The following UGCG variants were observed in gnomAD, a reference collection of about 807,000 sequenced individuals.
UGCG encodes ceramide glucosyltransferase.
Under a neutral mutation model 49.5 loss-of-function variants are expected in UGCG, and 10 were observed. The observed-to-expected ratio is 0.20, with a 90% CI of 0.12 to 0.34. The LOEUF (loss-of-function observed/expected upper bound fraction) is 0.34. Ranked by LOEUF, UGCG falls within the 10% of genes least tolerant of loss-of-function variation. UGCG has a pLI of 1.00. For missense variants in UGCG, 312 were observed against 483.7 expected (o/e 0.65, Z 3.33); for synonymous variants, 182 against 158.2 (o/e 1.15, Z -1.13).
At position 111,914,762 on chromosome 9, in the gene UGCG, C is replaced by T. The variant is rs575283616; in HGVS notation, c.240+16C>T. ...TTATCCCAAAGTAAGTTCAGTGTTACGGTTTTTTGTTTTGTTTTGTTTTGT... is the reference window on the plus strand; with the variant it reads ...TTATCCCAAAGTAAGTTCAGTGTTATGGTTTTTTGTTTTGTTTTGTTTTGT... On this transcript the variant is annotated intron_variant, in intron 2 of 8. Coordinates refer to ENST00000374279, the MANE Select transcript of UGCG (RefSeq NM_003358.3). The T allele has an allele frequency of 1.8e-5, 29 of 1,583,734 alleles. No individual in the cohort carries two copies. Among genetic ancestry groups the T allele is most frequent in the South Asian group, 1.4e-4 (13 of 90,168 alleles).
In UGCG at chr9:111,906,528, C is replaced by G. The variant is rs189413878; in HGVS notation, c.99-8077C>G. Among the ~76,000 whole-genome samples, 7 of 152,284 alleles carry G rather than the reference C, an allele frequency of 4.6e-5. No individual in the cohort carries two copies. The East Asian group carries it at 1.3e-3, about 29-fold the overall frequency. ...CACCACAACCTCTGCCTCCTGGGTT[C>G]AAGTGATTCTCCTGCCTCAGCCTCC... is the stretch of plus-strand genomic sequence containing the variant. On this transcript the variant is annotated intron_variant, in intron 1 of 8. Coordinates refer to ENST00000374279, the MANE Select transcript of UGCG (RefSeq NM_003358.3).
chr9:111,906,274 A>G (rs1837880759), intron 1 of UGCG, among the ~76,000 whole-genome samples: 1 of 152,176 alleles, frequency 6.6e-6, no homozygotes, highest in Admixed American at 6.5e-5. Context: ...GAATGGCACC[A>G]CTAGTTACCA....
At chr9:111,919,822 C>T (rs1838187983) in intron 2 of UGCG, among the ~76,000 whole-genome samples, 1 of 150,796 alleles carries the variant, frequency 6.6e-6, no homozygotes, top group Non-Finnish European at 1.5e-5. Context: ...AGAAACTATG[C>T]TATGTTTGGA....
intron 1 of UGCG, among the ~76,000 whole-genome samples, chr9:111,898,394 G>GTTT (rs536839365): frequency 2.1e-5 from 3 of 144,998 alleles, no homozygotes; most frequent in South Asian, 4.4e-4. Context: ...TAGTTTTTTG[G>GTTT]TTTTTTTTTT....
At chr9:111,918,786 G>A (rs558717772) in intron 2 of UGCG, among the ~76,000 whole-genome samples, 10 of 151,770 alleles carry the variant, frequency 6.6e-5, no homozygotes, top group East Asian at 1.9e-4. Context: ...TTAGCTGGGC[G>A]CAGTGGCGGG....
intron 1 of UGCG, among the ~76,000 whole-genome samples, chr9:111,902,599 G>A (rs114456949): frequency 1.7e-3 from 260 of 152,288 alleles, no homozygotes; most frequent in African/African-American, 6.1e-3. Flanking sequence ...AATTTTACAC[G>A]AAATACTAAC....
At chr9:111,913,659 C>T (rs1218498952) in intron 1 of UGCG, among the ~76,000 whole-genome samples, 2 of 148,368 alleles carry the variant, frequency 1.3e-5, no homozygotes, top group African/African-American at 5.0e-5. Context: ...AGGCTGGTCT[C>T]GAACTCCTGA....
chr9:111,922,928 A>G lies in UGCG; in HGVS notation c.320A>G (p.Asn107Ser). 6.2e-7 allele frequency: 1 copy of G among 1,612,438 alleles called. No individual in the cohort carries two copies. ...AAGAAGCTTCTTGGAAAATATCCAA[A>G]TGTTGATGCTAGATTGTTTATAGGT... ...VCKKLLGKYP[N>S]VDARLFIGGK... The change falls in exon 3 of 9, where the codon AAT (asparagine) becomes AGT (serine). Residue 107 changes from asparagine (N) to serine (S), a missense_variant. By Grantham distance (46) the Asn-to-Ser change is conservative (BLOSUM62 1). Around this residue, in one of 4 missense-constraint regions of UGCG, gnomAD observed 64 missense variants for 67.6 expected, o/e 0.95. Transcript: ENST00000374279.
At chr9:111,899,066 AT>A (rs1837719207) in intron 1 of UGCG, among the ~76,000 whole-genome samples, 1 of 152,216 alleles carries the variant, frequency 6.6e-6, no homozygotes, top group African/African-American at 2.4e-5. Flanking sequence ...TAATAGATGC[AT>A]GATATTTTAG....
chr9:111,916,707 C>A (rs967948996), intron 2 of UGCG, among the ~76,000 whole-genome samples: 1 of 150,992 alleles, frequency 6.6e-6, no homozygotes, highest in African/African-American at 2.4e-5. Flanking sequence ...CTCAAGCAAT[C>A]CCCCCACCTC....
intron 2 of UGCG, among the ~76,000 whole-genome samples, chr9:111,917,164 G>A (rs1350406493): frequency 6.6e-6 from 1 of 152,124 alleles, no homozygotes; most frequent in Non-Finnish European, 1.5e-5. Context: ...AGCATCTGCA[G>A]ATTATTTTAT....
chr9:111,920,598 C>G (rs1245702183), intron 2 of UGCG, among the ~76,000 whole-genome samples: 3 of 152,140 alleles, frequency 2.0e-5, no homozygotes, highest in Non-Finnish European at 4.4e-5. Context: ...CTCCTGACCT[C>G]AGGTGATCCA....
In UGCG at chr9:111,935,003, C is replaced by T. The variant is rs1838495434; in HGVS notation, c.*2006C>T. 1 of 152,202 alleles carries T rather than the reference C, an allele frequency of 6.6e-6. No individual in the cohort carries two copies. The highest frequency in any genetic ancestry group is 2.1e-4 in the South Asian group (1 of 4,824). 9.4% of individuals were successfully genotyped at this position (152,202 alleles called of 1,614,324 possible). ...TGCCGAAGCGTAATCTTGTGTATTA[C>T]TTAGCTCTCTGCTGATCTCAGTATG... is the stretch of plus-strand genomic sequence containing the variant. On this transcript the variant is annotated 3_prime_UTR_variant, in exon 9 of 9. Transcript: ENST00000374279.
At chr9:111,903,997 G>T (rs187788734) in intron 1 of UGCG, among the ~76,000 whole-genome samples, 1 of 152,318 alleles carries the variant, frequency 6.6e-6, no homozygotes, top group East Asian at 1.9e-4. Context: ...CACCCCTACA[G>T]ACATGGTTAA....
chr9:111,929,759 G>C (rs1488213014), intron 6 of UGCG, 81 bp downstream of exon 6: 1 of 1,491,472 alleles, frequency 6.7e-7, no homozygotes, highest in East Asian at 2.3e-5. Flanking sequence ...CTATAGATTA[G>C]GGCTTTTTAA....
At chr9:111,899,150 A>G (rs1316834786) in intron 1 of UGCG, among the ~76,000 whole-genome samples, 1 of 152,228 alleles carries the variant, frequency 6.6e-6, no homozygotes, top group African/African-American at 2.4e-5. Context: ...CTAGATTACA[A>G]AGAACACTGT....
intron 5 of UGCG, among the ~76,000 whole-genome samples, chr9:111,928,810 G>C (rs957625794): frequency 2.0e-5 from 3 of 152,160 alleles, no homozygotes; most frequent in African/African-American, 7.2e-5. Context: ...TGTCTACTAA[G>C]TAGGGTAATA....
chr9:111,926,449 C>T lies in UGCG; in HGVS notation c.511C>T (p.Leu171=). 3 of 1,610,972 alleles carry T rather than the reference C, an allele frequency of 1.9e-6. No homozygotes were observed. The highest frequency in any genetic ancestry group is 2.7e-5 in the African/African-American group (2 of 74,940). The change falls in exon 5 of 9, where the codon CTG becomes TTG. Residue 171 remains leucine (L), a synonymous_variant. Coordinates refer to ENST00000374279, the MANE Select transcript of UGCG (RefSeq NM_003358.3). ...AGAAAAAGTAGGCTTGGTTCACGGG[C>T]TGCCTTACGTAGCAGACAGACAGGG... ...MTEKVGLVHG[L]PYVADRQGFA... is the part of the protein sequence containing the mutation.
rs1017655876 is a variant in UGCG, at chr9:111,933,536, A to G, written c.*539A>G. The G allele has an allele frequency of 3.9e-5, 6 of 152,228 alleles. No homozygotes were observed. The highest frequency in any genetic ancestry group is 8.8e-5 in the Non-Finnish European group (6 of 68,034). 9.4% of individuals were successfully genotyped at this position (152,228 alleles called of 1,614,324 possible). A position where few individuals can be genotyped will look rare whatever the true frequency, so the allele number is the denominator to read the frequency against. ...TATGCCTACCTCTTGTAGTTGTTGC[A>G]GAGCAAATATAAATTGTAATAAGAT... On this transcript the variant is annotated 3_prime_UTR_variant, in exon 9 of 9. Coordinates refer to ENST00000374279, the MANE Select transcript of UGCG (RefSeq NM_003358.3).
Sources: gnomAD v4.1 joint callset for allele counts (sites outside exome capture counted in the v4.1 genomes callset) on GRCh38, gnomAD v4.1.1 for gene constraint, gnomAD v4.1.1 regional missense constraint, MANE v1.5 for transcripts, NCBI Gene and HGNC (gene_info 2026-07-23, HGNC 2026-07-21) for gene names.